POU2F1: variants seen among roughly 807,000 people sequenced by gnomAD.
The protein encoded by POU2F1 is POU class 2 homeobox 1, also known as POU domain, class 2, transcription factor 1.
Under a neutral mutation model 84.9 loss-of-function variants are expected in POU2F1, and 16 were observed. That is an observed-to-expected ratio of 0.19 (90% CI 0.13 to 0.29). The LOEUF is 0.29. Among genes scored for constraint, POU2F1 ranks in the 10% least tolerant of loss-of-function variants. The pLI, the probability that POU2F1 is intolerant of heterozygous loss-of-function variation, is 1.00. For missense variants in POU2F1, 738 were observed against 942.6 expected, an observed-to-expected ratio of 0.78 and a Z score of 2.84; for synonymous variants, 368 against 368.3, an observed-to-expected ratio of 1.00 and a Z score of 0.01.
In POU2F1 at chr1:167,263,404, C is replaced by T. The variant is rs192928962; in HGVS notation, c.61+42446C>T. ...GCGTGGTAGCATATGCCTGTAATCC[C>T]AGCTACTCAGGGGGTTGAGACAGAA... On this transcript the variant is annotated intron_variant, in intron 1 of 15. Transcript: ENST00000367866. 1.3e-3 allele frequency among the ~76,000 whole-genome samples: 198 copies of T among 152,050 alleles called. 3 individuals carry two copies. Among genetic ancestry groups the T allele is most frequent in the Non-Finnish European group, 5.3e-4 (36 of 67,996 alleles).
At chr1:167,293,480 A>C (rs1040931830) in intron 1 of POU2F1, among the ~76,000 whole-genome samples, 2 of 152,232 alleles carry the variant, frequency 1.3e-5, no homozygotes, top group African/African-American at 4.8e-5. Context: ...GTCATAGATA[A>C]CACAGACAAA....
intron 3 of POU2F1, among the ~76,000 whole-genome samples, chr1:167,367,794 AT>A (rs941958382): frequency 8.1e-4 from 120 of 147,290 alleles, no homozygotes; most frequent in Admixed American, 1.0e-3. Flanking sequence ...ACACGTACAA[AT>A]TTTTTTTTTT....
At chr1:167,340,431 CTT>C (rs761386225) in intron 2 of POU2F1, among the ~76,000 whole-genome samples, 20 of 122,288 alleles carry the variant, frequency 1.6e-4, no homozygotes, top group Non-Finnish European at 2.3e-4. Context: ...TTCTTTTTTT[CTT>C]TTTTTTTTTT....
rs987879036 is a variant in POU2F1 at position 167,220,933 on chromosome 1, T to C, written c.36T>C (p.Ser12=). Residue 12 remains serine (S), a synonymous_variant, in exon 1 of 16, where the codon AGT becomes AGC. Coordinates refer to ENST00000367866, the MANE Select transcript of POU2F1 (RefSeq NM_002697.4). ...GAGGAGCAGCGAGTCAAGATGAGAG[T>C]TCAGCCGCGGCGGCAGCAGCAGCAG... is the stretch of plus-strand genomic sequence containing the variant. The part of the protein sequence containing the change: ...ADGGAASQDE[S]SAAAAAAADS... The C allele has an allele frequency of 2.6e-5, 40 of 1,535,000 alleles. No individual in the cohort carries two copies. Among genetic ancestry groups the C allele is most frequent in the Non-Finnish European group, 3.4e-5 (39 of 1,146,728 alleles).
At chr1:167,317,278 C>T (rs868837675) in intron 1 of POU2F1, among the ~76,000 whole-genome samples, 5 of 152,262 alleles carry the variant, frequency 3.3e-5, no homozygotes, top group Middle Eastern at 6.8e-3. Flanking sequence ...TCTTTTTCTC[C>T]CTGGAATGTT....
intron 1 of POU2F1, among the ~76,000 whole-genome samples, chr1:167,300,284 A>G (rs769936657): frequency 6.6e-6 from 1 of 152,204 alleles, no homozygotes. Context: ...AGGAGGAAGG[A>G]GAGCAAGGGT....
chr1:167,343,388 A>C (rs953677596), intron 2 of POU2F1, among the ~76,000 whole-genome samples: 2 of 152,182 alleles, frequency 1.3e-5, no homozygotes. Context: ...TGCTGTTTTC[A>C]GTACAGATTA....
rs1240257091 is a variant in POU2F1, at chr1:167,374,285, C to G, written c.580C>G (p.Gln194Glu). Residue 194 changes from glutamine to glutamate, a missense_variant, in exon 6 of 16, where the codon CAG becomes GAG. Coordinates refer to ENST00000367866, the MANE Select transcript of POU2F1 (RefSeq NM_002697.4). ...MTQIPLSQPI[Q>E]IAQDLQQLQQ... ...GCAGATCCCCCTGTCTCAGCCCATA[C>G]AGATCGCACAGGTGAGTGAGGAACT... The G allele has an allele frequency of 6.3e-7, 1 of 1,597,658 alleles. No homozygotes were observed. Among genetic ancestry groups the G allele is most frequent in the Non-Finnish European group, 8.5e-7 (1 of 1,172,534 alleles).
At chr1:167,412,342 A>T (rs1317019322) in intron 14 of POU2F1, 38 bp downstream of exon 14, 15 of 1,472,188 alleles carry the variant, frequency 1.0e-5, no homozygotes, top group African/African-American at 9.8e-5. Flanking sequence ...TCTGAGGTGG[A>T]GGTCATCCCT....
chr1:167,410,524 A>T (rs67805757), intron 13 of POU2F1, among the ~76,000 whole-genome samples: 26,108 of 131,568 alleles, frequency 0.2, 2,378 homozygotes, highest in African/African-American at 0.24. Context: ...TATTATTATT[A>T]TTATTATTTT....
intron 4 of POU2F1, among the ~76,000 whole-genome samples, chr1:167,371,207 G>A (rs992525030): frequency 1.3e-5 from 2 of 152,150 alleles, no homozygotes; most frequent in East Asian, 1.9e-4. Flanking sequence ...CAAACAGGCT[G>A]TATCTCCAGT....
chr1:167,237,746 G>GTGTGTGTGTGTATATATATATATATA (rs1478366181), intron 1 of POU2F1, among the ~76,000 whole-genome samples: 1 of 72,984 alleles, frequency 1.4e-5, no homozygotes, highest in Non-Finnish European at 2.4e-5. Flanking sequence ...ATGTGTGTGT[G>GTGTGTGTGTGTATATATATATATATA]TATATATATA....
chr1:167,323,150 A>G (rs774607990), intron 1 of POU2F1, among the ~76,000 whole-genome samples: 36 of 152,214 alleles, frequency 2.4e-4, no homozygotes, highest in Non-Finnish European at 3.1e-4. Flanking sequence ...TCCATTAATG[A>G]TTGAAATCAG....
At chr1:167,243,108 A>AT (rs1650038760) in intron 1 of POU2F1, among the ~76,000 whole-genome samples, 1 of 152,138 alleles carries the variant, frequency 6.6e-6, no homozygotes, top group African/African-American at 2.4e-5. Flanking sequence ...CTTTCTACTC[A>AT]TATCTCTGTT....
At chr1:167,365,411 G>C in intron 2 of POU2F1, 56 bp from the exon 3 acceptor site, 1 of 1,333,958 alleles carries the variant, frequency 7.5e-7, no homozygotes, top group Non-Finnish European at 1.0e-6. Context: ...CTGAAATCTA[G>C]TGCTTTATTT....
intron 11 of POU2F1, among the ~76,000 whole-genome samples, chr1:167,398,781 G>T (rs764926166): frequency 1.3e-5 from 2 of 148,790 alleles, no homozygotes; most frequent in Non-Finnish European, 3.0e-5. Context: ...CTGTGTGATT[G>T]GGCAAATCAT....
intron 1 of POU2F1, among the ~76,000 whole-genome samples, chr1:167,230,263 A>G (rs1648962498): frequency 1.3e-5 from 2 of 152,298 alleles, no homozygotes; most frequent in East Asian, 1.9e-4. Context: ...TTGGAAGGCC[A>G]TGGTGTATGG....
chr1:167,369,060 A>G (rs1288737654), intron 3 of POU2F1, among the ~76,000 whole-genome samples: 1 of 152,008 alleles, frequency 6.6e-6, no homozygotes, highest in Non-Finnish European at 1.5e-5. Flanking sequence ...CCACCATTCT[A>G]GTTTAGTTTT....
Position 167,422,264 on chromosome 1 carries a change from A to G in POU2F1, c.*6454A>G, listed in dbSNP as rs184337683. 4 of 152,388 alleles carry G rather than the reference A, an allele frequency of 2.6e-5. No individual in the cohort carries two copies. The East Asian group carries it at 7.7e-4, about 29-fold the overall frequency. The allele number at this position is 152,388 out of a possible 1,614,324, so 9.4% of individuals were successfully genotyped here. ...GTGCAGTTGAGAAACAGAGGCAGAC[A>G]TAGACATGCACCAATTAATTTGGAG... On this transcript the variant is annotated 3_prime_UTR_variant, in exon 16 of 16. Coordinates refer to ENST00000367866, the MANE Select transcript of POU2F1 (RefSeq NM_002697.4).
Sources: gnomAD v4.1 joint callset for allele counts (sites outside exome capture counted in the v4.1 genomes callset) on GRCh38, gnomAD v4.1.1 for gene constraint, MANE v1.5 for transcripts, NCBI Gene and HGNC (gene_info 2026-07-23, HGNC 2026-07-21) for gene names.